The following IGF1R variants were observed in gnomAD, a reference collection of about 807,000 sequenced individuals.
IGF1R encodes insulin like growth factor 1 receptor, also known as insulin-like growth factor 1 receptor.
A neutral mutation model predicts 144.6 loss-of-function variants in IGF1R; 44 were observed. That is an observed-to-expected ratio of 0.30 (90% confidence interval 0.24 to 0.39). IGF1R has a LOEUF of 0.39. Ranked by LOEUF, IGF1R falls within the 10% of genes least tolerant of loss-of-function variation. The probability of loss-of-function intolerance (pLI) is 1.00; values close to 1 mark genes in which losing one functional copy is unlikely to be tolerated. For missense variants in IGF1R, 1,355 were observed against 1,833.7 expected, an observed-to-expected ratio of 0.74 and a Z score of 4.77; for synonymous variants, 795 against 722.8, an observed-to-expected ratio of 1.10 and a Z score of -1.60.
chr15:98,845,863 G>T (rs1340106581), intron 2 of IGF1R, among the ~76,000 whole-genome samples: 1 of 152,094 alleles, frequency 6.6e-6, no homozygotes, highest in South Asian at 2.1e-4. Context: ...TCTTAAAGGT[G>T]CCCTAACTAA....
chr15:98,917,590 C>G (rs188395369), intron 10 of IGF1R, among the ~76,000 whole-genome samples: 49 of 152,296 alleles, frequency 3.2e-4, no homozygotes, highest in Non-Finnish European at 6.3e-4. Context: ...CAGTGTACAT[C>G]AACAGGTGAG....
At chr15:98,713,990 A>G (rs2054057186) in intron 2 of IGF1R, among the ~76,000 whole-genome samples, 1 of 152,144 alleles carries the variant, frequency 6.6e-6, no homozygotes. Context: ...AAGGGCATTG[A>G]CTGGGAGCAG....
rs372414158 is a variant in IGF1R, at chr15:98,756,778, G to A, written c.640+48671G>A. On this transcript the variant is annotated intron_variant, in intron 2 of 20. Coordinates refer to ENST00000650285, the MANE Select transcript of IGF1R (RefSeq NM_000875.5). Reference sequence around the variant, plus strand: ...TTTCTTTGAAAATTGCTTTTGTTACGTATTTTTGGTTTTAGACAGTTGATC... The same window carrying A: ...TTTCTTTGAAAATTGCTTTTGTTACATATTTTTGGTTTTAGACAGTTGATC... 5.3e-5 allele frequency among the ~76,000 whole-genome samples: 8 copies of A among 151,940 alleles called. No homozygotes were observed. The South Asian group carries it at 6.2e-4, about 12-fold the overall frequency.
rs886051565 is a variant in IGF1R, at chr15:98,957,804, T to C, written c.*362T>C. The stretch of plus-strand genomic sequence containing the variant: ...TCTCTGCTTCATAACGGAAAAATAA[T>C]TGCCACAAGTCCAGCTGGGAAGCCC... On this transcript the variant is annotated 3_prime_UTR_variant, in exon 21 of 21. Coordinates refer to ENST00000650285, the MANE Select transcript of IGF1R (RefSeq NM_000875.5). 2.3e-4 allele frequency: 79 copies of C among 342,868 alleles called. 1 individual carries two copies. The highest frequency in any genetic ancestry group is 1.2e-3 in the South Asian group (23 of 18,776). The allele number at this position is 342,868 out of a possible 1,614,324, so 21.2% of individuals were successfully genotyped here.
At chr15:98,697,063 G>A (rs1370761608) in intron 1 of IGF1R, among the ~76,000 whole-genome samples, 1 of 152,180 alleles carries the variant, frequency 6.6e-6, no homozygotes, top group Non-Finnish European at 1.5e-5. Context: ...AAATGCAGAA[G>A]TTGTAGCAGA....
chr15:98,675,645 A>T (rs1775867737), intron 1 of IGF1R, among the ~76,000 whole-genome samples: 1 of 152,198 alleles, frequency 6.6e-6, no homozygotes, highest in Non-Finnish European at 1.5e-5. Flanking sequence ...TCGGTTAATC[A>T]TGCATATTGA....
At chr15:98,681,250 C>T (rs927293314) in intron 1 of IGF1R, among the ~76,000 whole-genome samples, 6 of 152,270 alleles carry the variant, frequency 3.9e-5, no homozygotes, top group Non-Finnish European at 2.9e-5. Context: ...ATCTTGAGGG[C>T]GGCTGCACTA....
rs543853218 is a variant in IGF1R, at chr15:98,911,354, C to G, written c.1502C>G (p.Ser501Trp). 1 of 1,614,140 alleles carries G rather than the reference C, an allele frequency of 6.2e-7. No individual in the cohort carries two copies. The highest frequency in any genetic ancestry group is 1.1e-5 in the South Asian group (1 of 91,082). ...CTGCATTTCACCTCCACCACCACGT[C>G]GAAGAATCGCATCATCATAACCTGG... ...DVLHFTSTTT[S>W]KNRIIITWHR... is the part of the protein sequence containing the mutation. Residue 501 changes from serine to tryptophan, a missense_variant, in exon 7 of 21, where the codon TCG becomes TGG. Ser to Trp is a radical substitution (Grantham distance 177). Around this residue, in one of 7 missense-constraint regions of IGF1R, gnomAD observed 880 missense variants for 1,202.7 expected, o/e 0.73. Coordinates refer to ENST00000650285, the MANE Select transcript of IGF1R (RefSeq NM_000875.5).
chr15:98,879,297 A>G (rs2013250042), intron 2 of IGF1R, among the ~76,000 whole-genome samples: 1 of 152,236 alleles, frequency 6.6e-6, no homozygotes, highest in African/African-American at 2.4e-5. Flanking sequence ...ATACAGTGAT[A>G]GTAAAAGAAG....
chr15:98,863,190 G>C (rs2715446), intron 2 of IGF1R, among the ~76,000 whole-genome samples: 4 of 152,022 alleles, frequency 2.6e-5, no homozygotes, highest in East Asian at 1.9e-4. Flanking sequence ...GTTTCCTCCT[G>C]ATTAAATTTG....
At chr15:98,675,460 A>G (rs1407594682) in intron 1 of IGF1R, among the ~76,000 whole-genome samples, 1 of 152,230 alleles carries the variant, frequency 6.6e-6, no homozygotes, top group South Asian at 2.1e-4. Flanking sequence ...TATTTTGCAG[A>G]AAATTCTTAG....
chr15:98,835,914 G>A (rs552113009), intron 2 of IGF1R, among the ~76,000 whole-genome samples: 2 of 152,322 alleles, frequency 1.3e-5, no homozygotes, highest in East Asian at 1.9e-4. Context: ...GCTGTGGAAG[G>A]TGTTGGGGGT....
At chr15:98,676,374 G>A (rs984602018) in intron 1 of IGF1R, among the ~76,000 whole-genome samples, 11 of 152,032 alleles carry the variant, frequency 7.2e-5, no homozygotes, top group African/African-American at 2.4e-4. Flanking sequence ...CTGACCTTGC[G>A]ATCCGCCTGC....
rs2017277050 is a variant in IGF1R, at chr15:98,962,820, C to T, written c.*5378C>T. On this transcript the variant is annotated 3_prime_UTR_variant, in exon 21 of 21. Transcript: ENST00000650285. Reference sequence around the variant, plus strand: ...CAACAAAGAAACCTAACATCCTACTCTGGAAACTGATCTCGGAGTTAAGGC... The same window carrying T: ...CAACAAAGAAACCTAACATCCTACTTTGGAAACTGATCTCGGAGTTAAGGC... 4.3e-6 allele frequency: 1 copy of T among 233,618 alleles called. No individual in the cohort carries two copies. The highest frequency in any genetic ancestry group is 1.8e-4 in the South Asian group (1 of 5,536). 14.5% of individuals were successfully genotyped at this position (233,618 alleles called of 1,614,324 possible). A position where few individuals can be genotyped will look rare whatever the true frequency, so the allele number is the denominator to read the frequency against.
intron 2 of IGF1R, among the ~76,000 whole-genome samples, chr15:98,800,501 TA>T (rs202151099): frequency 2.1e-4 from 32 of 151,042 alleles, no homozygotes; most frequent in Admixed American, 1.4e-3. Context: ...AACCTTTGAT[TA>T]AAAAAAAATA....
At chr15:98,758,771 T>G (rs1458816854) in intron 2 of IGF1R, among the ~76,000 whole-genome samples, 1 of 152,236 alleles carries the variant, frequency 6.6e-6, no homozygotes, top group African/African-American at 2.4e-5. Context: ...GTAAGCTCAT[T>G]AGATTACTGT....
intron 3 of IGF1R, among the ~76,000 whole-genome samples, chr15:98,895,925 C>A (rs2014171853): frequency 6.6e-6 from 1 of 152,010 alleles, no homozygotes; most frequent in African/African-American, 2.4e-5. Context: ...GACCCTTGTT[C>A]TATATATAAC....
chr15:98,671,180 C>T (rs1462630198), intron 1 of IGF1R, among the ~76,000 whole-genome samples: 1 of 152,216 alleles, frequency 6.6e-6, no homozygotes, highest in Non-Finnish European at 1.5e-5. Context: ...TGTCTGAAAG[C>T]ATTCATGCAG....
intron 2 of IGF1R, among the ~76,000 whole-genome samples, chr15:98,872,521 AAAT>A (rs2012837347): frequency 6.6e-6 from 1 of 152,228 alleles, no homozygotes; most frequent in Admixed American, 6.5e-5. Context: ...TCTAGGGATC[AAAT>A]AATAATAGTA....
Sources: gnomAD v4.1 joint callset for allele counts (sites outside exome capture counted in the v4.1 genomes callset) on GRCh38, gnomAD v4.1.1 for gene constraint, gnomAD v4.1.1 regional missense constraint, MANE v1.5 for transcripts, NCBI Gene and HGNC (gene_info 2026-07-23, HGNC 2026-07-21) for gene names.